Variants in ARHGAP22 observed in about 807,000 individuals in gnomAD.
ARHGAP22 encodes the protein Rho GTPase activating protein 22, also known as rho GTPase-activating protein 22.
A neutral mutation model predicts 59.1 loss-of-function variants in ARHGAP22; 48 were observed. The observed-to-expected ratio is 0.81, with a 90% CI of 0.64 to 1.03. ARHGAP22 has a LOEUF of 1.03. ARHGAP22 is among the 50% of genes least tolerant of loss of function. The probability of loss-of-function intolerance (pLI) is 0.00; values close to 1 mark genes in which losing one functional copy is unlikely to be tolerated. For synonymous variants in ARHGAP22, 445 were observed against 416.4 expected, an observed-to-expected ratio of 1.07 and a Z score of -0.84; for missense variants, 1,015 against 958.7, an observed-to-expected ratio of 1.06 and a Z score of -0.78.
chr10:48,615,793 G>A (rs924087864), intron 1 of ARHGAP22, among the ~76,000 whole-genome samples: 4 of 152,160 alleles, frequency 2.6e-5, no homozygotes, highest in African/African-American at 9.6e-5. Context: ...TCGATACAGA[G>A]AAATTATATA....
chr10:48,587,120 A>G (rs1330745559), intron 1 of ARHGAP22, among the ~76,000 whole-genome samples: 1 of 152,222 alleles, frequency 6.6e-6, no homozygotes, highest in African/African-American at 2.4e-5. Context: ...AGCCTCTGAT[A>G]AGACAGGTGG....
At chr10:48,562,200 TG>T (rs2057732420) in intron 2 of ARHGAP22, among the ~76,000 whole-genome samples, 1 of 148,592 alleles carries the variant, frequency 6.7e-6, no homozygotes, top group African/African-American at 2.5e-5. Flanking sequence ...CACTCCAGCC[TG>T]GGCAACAGAG....
At chr10:48,612,706 T>A (rs1296501020) in intron 1 of ARHGAP22, among the ~76,000 whole-genome samples, 1 of 152,262 alleles carries the variant, frequency 6.6e-6, no homozygotes, top group South Asian at 2.1e-4. Context: ...TTTAGCTGAT[T>A]TGGATTTCCT....
At chr10:48,452,269 C>G (rs942286090) in intron 8 of ARHGAP22, among the ~76,000 whole-genome samples, 1 of 152,148 alleles carries the variant, frequency 6.6e-6, no homozygotes, top group Non-Finnish European at 1.5e-5. Flanking sequence ...TAGGAGGTCC[C>G]CCGGTAGGAG....
chr10:48,432,959 C>T, the ARHGAP22 span, among the ~76,000 whole-genome samples: 2 of 152,054 alleles, frequency 1.3e-5, no homozygotes, highest in African/African-American at 4.8e-5. Flanking sequence ...ATCAAAATAC[C>T]AGATAACCAC....
chr10:48,434,147 T>A, the ARHGAP22 span, among the ~76,000 whole-genome samples: 1 of 152,196 alleles, frequency 6.6e-6, no homozygotes, highest in Non-Finnish European at 1.5e-5. Context: ...GCTTGTTAGG[T>A]AATACTTTCG....
intron 4 of ARHGAP22, among the ~76,000 whole-genome samples, chr10:48,465,484 G>C (rs914897006): frequency 6.6e-6 from 1 of 152,244 alleles, no homozygotes; most frequent in Non-Finnish European, 1.5e-5. Context: ...GAGCGTCCAC[G>C]GGAGATCGAC....
chr10:48,573,116 G>A (rs1459274400), intron 2 of ARHGAP22, among the ~76,000 whole-genome samples: 2 of 152,174 alleles, frequency 1.3e-5, no homozygotes. Context: ...TCAAACTCAC[G>A]AAGTAAGGCA....
chr10:48,520,260 G>A (rs1362615849), intron 3 of ARHGAP22, among the ~76,000 whole-genome samples: 2 of 152,206 alleles, frequency 1.3e-5, no homozygotes, highest in Non-Finnish European at 2.9e-5. Flanking sequence ...GGCCTTGAGG[G>A]AGACAGCTCA....
Position 48,459,748 on chromosome 10 carries a change from G to A in ARHGAP22, c.595C>T (p.Gln199Ter). The A allele has an allele frequency of 3.1e-6, 5 of 1,614,020 alleles. No individual in the cohort carries two copies. Among genetic ancestry groups the A allele is most frequent in the Non-Finnish European group, 4.2e-6 (5 of 1,179,916 alleles). Residue 199 changes from glutamine to a stop codon, truncating the protein, a stop_gained, in exon 5 of 10, where the codon CAG becomes TAG. Transcript: ENST00000249601. LOFTEE classifies it high-confidence loss of function. ...TEEGLFRMPG[Q>*]ANLVRDLQDS... Reference sequence around the variant, plus strand: ...TGCAGGTCCCTCACCAGGTTGGCCTGGCCTGGCATGCGGAACAGCCCCTCC... The same window carrying A: ...TGCAGGTCCCTCACCAGGTTGGCCTAGCCTGGCATGCGGAACAGCCCCTCC...
chr10:48,503,038 G>A lies in ARHGAP22; in HGVS notation c.323-23274C>T, dbSNP rs541779620. 2.6e-5 allele frequency among the ~76,000 whole-genome samples: 4 copies of A among 152,340 alleles called. No homozygotes were observed. In the East Asian group the frequency reaches 5.8e-4, roughly 22 times the overall value. On this transcript the variant is annotated intron_variant, in intron 3 of 9. Transcript: ENST00000249601. ...CGCCTGGCTCTGAGGCTGATTGGACGAGGCCCCCTCGTCTCCTGACCTTGG... is the reference window on the plus strand; with the variant it reads ...CGCCTGGCTCTGAGGCTGATTGGACAAGGCCCCCTCGTCTCCTGACCTTGG...
chr10:48,619,730 A>C (rs1797110210), intron 1 of ARHGAP22, among the ~76,000 whole-genome samples: 2 of 152,208 alleles, frequency 1.3e-5, no homozygotes, highest in Admixed American at 1.3e-4. Context: ...TGTAAGACCT[A>C]AAATTATAAA....
the ARHGAP22 span, among the ~76,000 whole-genome samples, chr10:48,433,051 C>A: frequency 6.6e-6 from 1 of 151,990 alleles, no homozygotes; most frequent in Non-Finnish European, 1.5e-5. Context: ...TTTGGTTTGG[C>A]TAATAGTAAA....
intron 3 of ARHGAP22, among the ~76,000 whole-genome samples, chr10:48,504,194 C>G (rs1348031374): frequency 1.3e-5 from 2 of 152,098 alleles, no homozygotes; most frequent in Non-Finnish European, 2.9e-5. Flanking sequence ...AGGAAGGATC[C>G]CCTGGCTCCA....
chr10:48,593,772 A>G (rs1003151810), intron 1 of ARHGAP22, among the ~76,000 whole-genome samples: 1 of 152,236 alleles, frequency 6.6e-6, no homozygotes, highest in Non-Finnish European at 1.5e-5. Flanking sequence ...CAAACACGAT[A>G]CTGTGGATAT....
chr10:48,647,659 TA>T, intron 1 of ARHGAP22, among the ~76,000 whole-genome samples: 1 of 152,264 alleles, frequency 6.6e-6, no homozygotes, highest in South Asian at 2.1e-4. Context: ...GACAGTTTCT[TA>T]AAAATTAAAA....
intron 3 of ARHGAP22, among the ~76,000 whole-genome samples, chr10:48,494,658 T>C (rs1180732336): frequency 6.6e-6 from 1 of 152,130 alleles, no homozygotes; most frequent in Non-Finnish European, 1.5e-5. Context: ...CACCCATCTG[T>C]CCACCTCTCC....
intron 3 of ARHGAP22, among the ~76,000 whole-genome samples, chr10:48,529,599 C>G (rs1177253073): frequency 6.6e-6 from 1 of 152,192 alleles, no homozygotes; most frequent in Non-Finnish European, 1.5e-5. Context: ...ACACTGACTT[C>G]CAGCTGTGTG....
chr10:48,491,897 G>A (rs1205139819), intron 3 of ARHGAP22, among the ~76,000 whole-genome samples: 3 of 152,220 alleles, frequency 2.0e-5, no homozygotes, highest in Admixed American at 1.3e-4. Flanking sequence ...GCTCCTATCC[G>A]AACCCCACTT....
Sources: gnomAD v4.1 joint callset for allele counts (sites outside exome capture counted in the v4.1 genomes callset) on GRCh38, gnomAD v4.1.1 for gene constraint, MANE v1.5 for transcripts, NCBI Gene and HGNC (gene_info 2026-07-23, HGNC 2026-07-21) for gene names.